GALNT2: variants seen among roughly 807,000 people sequenced by gnomAD.
GALNT2 encodes polypeptide N-acetylgalactosaminyltransferase 2, also known as UDP-GalNAc:polypeptide N-acetylgalactosaminyltransferase 2.
GALNT2 carries 31 observed loss-of-function variants against 81.4 expected under a neutral mutation model. The ratio of observed to expected loss-of-function variants is 0.38; its 90% CI spans 0.29 to 0.51. GALNT2 has a LOEUF of 0.51. Ranked by LOEUF, GALNT2 falls within the 20% of genes least tolerant of loss-of-function variation. The pLI, the probability that GALNT2 is intolerant of heterozygous loss-of-function variation, is 0.87. For missense variants in GALNT2, 629 were observed against 765.7 expected (o/e 0.82, Z 2.11); for synonymous variants, 303 against 287.4 (o/e 1.05, Z -0.55).
chr1:230,141,899 G>A (rs148682396), intron 1 of GALNT2, among the ~76,000 whole-genome samples: 142 of 141,292 alleles, frequency 1.0e-3, no homozygotes, highest in Middle Eastern at 7.9e-3. Flanking sequence ...TTATTTTCCC[G>A]CCTCTGCCTC....
intron 11 of GALNT2, 154 bp from the exon 12 acceptor site, chr1:230,262,419 G>A (rs1572151858): frequency 1.6e-6 from 1 of 635,466 alleles, no homozygotes; most frequent in Non-Finnish European, 2.8e-6. Flanking sequence ...TGCTGGTGGG[G>A]ACAGCCCACC....
chr1:230,164,897 C>A (rs1194365606), intron 1 of GALNT2, among the ~76,000 whole-genome samples: 2 of 152,050 alleles, frequency 1.3e-5, no homozygotes, highest in Admixed American at 6.5e-5. Flanking sequence ...GTGCCTGGAC[C>A]CCAAACCTTA....
intron 14 of GALNT2, among the ~76,000 whole-genome samples, chr1:230,268,112 C>T (rs1335640284): frequency 6.6e-6 from 1 of 152,124 alleles, no homozygotes; most frequent in African/African-American, 2.4e-5. Context: ...TAGTGAAAAT[C>T]CACCGAAATG....
At chr1:230,165,148 A>G (rs1048265139) in intron 1 of GALNT2, among the ~76,000 whole-genome samples, 1 of 152,256 alleles carries the variant, frequency 6.6e-6, no homozygotes, top group Non-Finnish European at 1.5e-5. Flanking sequence ...AGGAGAGCCA[A>G]CACTCATCAT....
At chr1:230,156,433 G>A (rs1164139902) in intron 1 of GALNT2, among the ~76,000 whole-genome samples, 1 of 152,036 alleles carries the variant, frequency 6.6e-6, no homozygotes, top group Non-Finnish European at 1.5e-5. Flanking sequence ...TCCTTGGTAG[G>A]ATATATTCAT....
At chr1:230,166,119 G>A (rs1474810944) in intron 1 of GALNT2, among the ~76,000 whole-genome samples, 2 of 104,240 alleles carry the variant, frequency 1.9e-5, no homozygotes, top group Non-Finnish European at 4.9e-5. Context: ...AGAACAATTT[G>A]TAATTAATAA....
intron 10 of GALNT2, among the ~76,000 whole-genome samples, 199 bp from the exon 11 acceptor site, chr1:230,255,019 T>C (rs1226749039): frequency 6.6e-6 from 1 of 152,212 alleles, no homozygotes; most frequent in Non-Finnish European, 1.5e-5. Flanking sequence ...TCCAAGTGTG[T>C]CAAATGTCTC....
chr1:230,098,263 C>T (rs1163429729), intron 1 of GALNT2, among the ~76,000 whole-genome samples: 1 of 152,018 alleles, frequency 6.6e-6, no homozygotes, highest in African/African-American at 2.4e-5. Flanking sequence ...GTGACTTTCT[C>T]TTTTCTCTCT....
rs72651039 is a variant in GALNT2 at position 230,165,134 on chromosome 1, GAGA to G, written c.127-13081_127-13079del. On this transcript the variant is annotated intron_variant, in intron 1 of 15. Coordinates refer to ENST00000366672, the MANE Select transcript of GALNT2 (RefSeq NM_004481.5). ...ATAATTAAAGAACATGTGAAAGTCT[GAGA>G]AGGAGAGCCAACACTCATCATTCTC... Among the ~76,000 whole-genome samples the G allele has an allele frequency of 4.8e-3, 735 of 152,346 alleles. 5 individuals are homozygous for G. Among genetic ancestry groups the G allele is most frequent in the Non-Finnish European group, 7.8e-3 (529 of 68,030 alleles).
chr1:230,158,109 A>G (rs1662316677), intron 1 of GALNT2, among the ~76,000 whole-genome samples: 1 of 152,202 alleles, frequency 6.6e-6, no homozygotes, highest in Non-Finnish European at 1.5e-5. Flanking sequence ...GGTAGGATGA[A>G]CTGTGACTCC....
chr1:230,103,222 C>T (rs940894717), intron 1 of GALNT2, among the ~76,000 whole-genome samples: 2 of 152,156 alleles, frequency 1.3e-5, no homozygotes, highest in African/African-American at 4.8e-5. Context: ...CCCTGGATTT[C>T]AAGGAGTCAG....
At chr1:230,088,673 G>A (rs1291900347) in intron 1 of GALNT2, among the ~76,000 whole-genome samples, 4 of 151,970 alleles carry the variant, frequency 2.6e-5, no homozygotes, top group Admixed American at 1.3e-4. Context: ...AAGTGGCTGG[G>A]ACTATAGGGG....
At chr1:230,110,249 CTG>C (rs1284449247) in intron 1 of GALNT2, among the ~76,000 whole-genome samples, 1 of 152,218 alleles carries the variant, frequency 6.6e-6, no homozygotes, top group East Asian at 1.9e-4. Context: ...CCCTCCTCAC[CTG>C]TGTTTTTCCT....
intron 3 of GALNT2, among the ~76,000 whole-genome samples, chr1:230,210,315 C>CTTTGTT (rs1664197294): frequency 6.6e-6 from 1 of 152,142 alleles, no homozygotes; most frequent in Admixed American, 6.5e-5. Flanking sequence ...TCTTTGTTTT[C>CTTTGTT]TTCTTTCCCC....
intron 1 of GALNT2, among the ~76,000 whole-genome samples, chr1:230,072,738 T>C (rs1417804064): frequency 2.0e-5 from 3 of 152,228 alleles, no homozygotes; most frequent in Non-Finnish European, 4.4e-5. Flanking sequence ...TGAGACCCCC[T>C]GAGTGCCCTC....
At chr1:230,185,417 T>G (rs1433022944) in intron 2 of GALNT2, among the ~76,000 whole-genome samples, 1 of 151,990 alleles carries the variant, frequency 6.6e-6, no homozygotes, top group Admixed American at 6.6e-5. Flanking sequence ...AGTTGTGTGG[T>G]GTTAAGGTGT....
At chr1:230,196,768 G>A (rs1416224476) in intron 2 of GALNT2, among the ~76,000 whole-genome samples, 1 of 152,112 alleles carries the variant, frequency 6.6e-6, no homozygotes. Context: ...GCCCCCAGAG[G>A]CTTTGTGGCC....
intron 1 of GALNT2, among the ~76,000 whole-genome samples, chr1:230,155,711 C>G (rs1035309653): frequency 7.2e-5 from 11 of 152,128 alleles, no homozygotes; most frequent in Non-Finnish European, 1.6e-4. Flanking sequence ...ACTGGGCTCC[C>G]AAGTGCATAG....
At chr1:230,154,213 ACCCTGCACTTGC>A (rs1662177226) in intron 1 of GALNT2, among the ~76,000 whole-genome samples, 1 of 152,216 alleles carries the variant, frequency 6.6e-6, no homozygotes, top group Non-Finnish European at 1.5e-5. Flanking sequence ...GCTGCCGTCC[ACCCTGCACTTGC>A]AGTGGAGACA....
Sources: allele counts gnomAD v4.1 joint callset (sites outside exome capture counted in the v4.1 genomes callset), GRCh38; gene constraint gnomAD v4.1.1; transcripts MANE v1.5; gene names NCBI Gene and HGNC (gene_info 2026-07-23, HGNC 2026-07-21).